ACTR3B: variants seen among roughly 807,000 people sequenced by gnomAD.
ACTR3B encodes actin related protein 3B, also known as actin-related protein 3B.
ACTR3B carries 8 observed loss-of-function variants against 59.0 expected under a neutral mutation model. The observed-to-expected ratio is 0.14, with a 90% CI of 0.08 to 0.24. The LOEUF is 0.24. ACTR3B is among the 10% of genes least tolerant of loss of function. ACTR3B has a pLI of 1.00. For synonymous variants in ACTR3B, 148 were observed against 197.9 expected (o/e 0.75, Z 2.12); for missense variants, 245 against 552.3 (o/e 0.44, Z 5.58).
chr7:152,762,249 A>G (rs2098091746), intron 1 of ACTR3B, among the ~76,000 whole-genome samples: 1 of 152,214 alleles, frequency 6.6e-6, no homozygotes, highest in Admixed American at 6.5e-5. Context: ...ATAAAGCTTC[A>G]TCTATTTAAA....
At chr7:152,785,376 TGAGGGGGGGGG>T (rs2098168204) in intron 2 of ACTR3B, among the ~76,000 whole-genome samples, 1 of 5,326 alleles carries the variant, frequency 1.9e-4, no homozygotes. Flanking sequence ...GAGTTTGTTG[TGAGGGGGGGGG>T]GAGGGGAGGG....
intron 2 of ACTR3B, among the ~76,000 whole-genome samples, chr7:152,788,934 A>G (rs2098184079): frequency 6.6e-6 from 1 of 152,186 alleles, no homozygotes; most frequent in Admixed American, 6.5e-5. Flanking sequence ...GAGGCATGAG[A>G]ATTGCTTGAA....
chr7:152,833,053 A>G lies in ACTR3B; in HGVS notation c.951+7931A>G, dbSNP rs554106817. Among the ~76,000 whole-genome samples the G allele has an allele frequency of 1.4e-3, 213 of 152,312 alleles. 2 individuals are homozygous for G. The highest frequency in any genetic ancestry group is 4.9e-3 in the African/African-American group (205 of 41,562). ...CTCTAGAAGCCAGGGGGCCCTGTTA[A>G]GTGGCACTGAGAGGTCACACAGGAT... is the stretch of plus-strand genomic sequence containing the variant. On this transcript the variant is annotated intron_variant, in intron 9 of 11. Transcript: ENST00000256001.
At chr7:152,760,308 GCCA>G (rs751848963) in intron 1 of ACTR3B, among the ~76,000 whole-genome samples, 161 of 152,250 alleles carry the variant, frequency 1.1e-3, no homozygotes, top group South Asian at 4.6e-3. Context: ...AGGAATATTC[GCCA>G]GCGTGAGGCA....
At chr7:152,809,408 C>A (rs1212527198) in intron 4 of ACTR3B, among the ~76,000 whole-genome samples, 3 of 152,162 alleles carry the variant, frequency 2.0e-5, no homozygotes, top group Non-Finnish European at 2.9e-5. Context: ...TTCTAGGGAG[C>A]GTGCCCCCCT....
chr7:152,760,386 G>C (rs1317486540), intron 1 of ACTR3B, among the ~76,000 whole-genome samples: 2 of 152,234 alleles, frequency 1.3e-5, no homozygotes, highest in African/African-American at 2.4e-5. Context: ...CTGCCTTCCA[G>C]CGTTCTCAGC....
intron 9 of ACTR3B, among the ~76,000 whole-genome samples, chr7:152,831,730 A>G (rs73166490): frequency 0.021 from 3,142 of 152,170 alleles, 47 homozygotes; most frequent in Non-Finnish European, 0.031. Context: ...AAGTAGCGCA[A>G]TCCTGTGGGT....
chr7:152,834,559 A>G (rs1797294920), intron 9 of ACTR3B, among the ~76,000 whole-genome samples: 1 of 152,234 alleles, frequency 6.6e-6, no homozygotes. Context: ...CTATGTATTA[A>G]CAGCATTATG....
chr7:152,839,303 G>T (rs1257418693), intron 9 of ACTR3B, among the ~76,000 whole-genome samples: 1 of 142,496 alleles, frequency 7.0e-6, no homozygotes, highest in Non-Finnish European at 1.5e-5. Context: ...CGTGGATCCT[G>T]CATGGTGGTG....
chr7:152,808,757 A>G (rs920548546), intron 4 of ACTR3B, among the ~76,000 whole-genome samples: 6 of 152,168 alleles, frequency 3.9e-5, no homozygotes, highest in African/African-American at 1.4e-4. Flanking sequence ...TTTAGTTAAT[A>G]TGTTATTTCT....
chr7:152,795,530 G>C (rs1019231739), intron 2 of ACTR3B, among the ~76,000 whole-genome samples: 8 of 152,180 alleles, frequency 5.3e-5, no homozygotes, highest in African/African-American at 1.9e-4. Context: ...GACTTACCTT[G>C]AAAACTTTTC....
intron 2 of ACTR3B, among the ~76,000 whole-genome samples, chr7:152,787,010 G>A (rs1228434349): frequency 2.0e-5 from 3 of 152,020 alleles, no homozygotes; most frequent in Non-Finnish European, 4.4e-5. Context: ...TTCCTTATGC[G>A]TATCTGCTAG....
At chr7:152,771,258 A>G (rs957015138) in intron 1 of ACTR3B, among the ~76,000 whole-genome samples, 7 of 152,134 alleles carry the variant, frequency 4.6e-5, no homozygotes, top group African/African-American at 7.2e-5. Flanking sequence ...CCTGGCTAGA[A>G]TGGAATTTTA....
At chr7:152,817,308 G>GA (rs903704431) in intron 6 of ACTR3B, among the ~76,000 whole-genome samples, 26 of 152,078 alleles carry the variant, frequency 1.7e-4, no homozygotes, top group African/African-American at 6.0e-4. Context: ...TTGAACCCGG[G>GA]AGACGGAGGT....
chr7:152,816,530 G>T lies in ACTR3B; in HGVS notation c.482G>T (p.Arg161Leu). The T allele has an allele frequency of 6.2e-7, 1 of 1,607,942 alleles. No homozygotes were observed. The highest frequency in any genetic ancestry group is 8.5e-7 in the Non-Finnish European group (1 of 1,176,974). ...ASWTSRQVGERTLTGIVIDSG... is the reference protein window; with the variant it reads ...ASWTSRQVGELTLTGIVIDSG... ...TGGACATCTCGACAAGTGGGTGAAC[G>T]TACGTTAACGGGGATAGTCATTGAC... is the stretch of plus-strand genomic sequence containing the variant. Residue 161 changes from arginine (R) to leucine (L), a missense_variant, in exon 6 of 12, where the codon CGT becomes CTT. By Grantham distance (102) the Arg-to-Leu change is moderately radical. Around this residue, in one of 7 missense-constraint regions of ACTR3B, gnomAD observed 40 missense variants for 70.4 expected, o/e 0.57. Transcript: ENST00000256001.
chr7:152,825,375 G>A (rs1224568889), intron 9 of ACTR3B, among the ~76,000 whole-genome samples: 3 of 152,100 alleles, frequency 2.0e-5, no homozygotes, highest in Non-Finnish European at 4.4e-5. Context: ...GCAGTGGTGC[G>A]ATCTCAGCTC....
chr7:152,762,585 T>G (rs2098093084), intron 1 of ACTR3B, among the ~76,000 whole-genome samples: 1 of 152,206 alleles, frequency 6.6e-6, no homozygotes, highest in Non-Finnish European at 1.5e-5. Context: ...TTTTCCCTTC[T>G]AGAATCACAT....
At chr7:152,819,964 A>G (rs538898283) in intron 6 of ACTR3B, among the ~76,000 whole-genome samples, 8 of 152,302 alleles carry the variant, frequency 5.3e-5, no homozygotes, top group African/African-American at 1.9e-4. Flanking sequence ...GAAAGAACCT[A>G]TTGGGTTTAG....
At chr7:152,787,136 G>C (rs2098177366) in intron 2 of ACTR3B, among the ~76,000 whole-genome samples, 1 of 152,092 alleles carries the variant, frequency 6.6e-6, no homozygotes, top group Non-Finnish European at 1.5e-5. Flanking sequence ...TGTTCTGATG[G>C]ATATCCCATC....
Sources: allele counts gnomAD v4.1 joint callset (sites outside exome capture counted in the v4.1 genomes callset), GRCh38; gene constraint gnomAD v4.1.1; regional missense constraint gnomAD v4.1.1; transcripts MANE v1.5; gene names NCBI Gene and HGNC (gene_info 2026-07-23, HGNC 2026-07-21).